The following ST8SIA1 variants were observed in gnomAD, a reference collection of about 807,000 sequenced individuals.
The protein encoded by ST8SIA1 is alpha-N-acetylneuraminide alpha-2,8-sialyltransferase.
In ST8SIA1, 16 loss-of-function variants were observed where a neutral mutation model predicts 35.9. That is an observed-to-expected ratio of 0.45 (90% confidence interval 0.30 to 0.68). The LOEUF is 0.68. ST8SIA1 is among the 30% of genes least tolerant of loss of function. The probability of loss-of-function intolerance (pLI) is 0.09; values close to 1 mark genes in which losing one functional copy is unlikely to be tolerated. For synonymous variants in ST8SIA1, 170 were observed against 169.6 expected (o/e 1.00, Z -0.02); for missense variants, 383 against 453.6 (o/e 0.84, Z 1.41).
intron 2 of ST8SIA1, among the ~76,000 whole-genome samples, chr12:22,284,197 G>A (rs1241435105): frequency 1.3e-5 from 2 of 152,074 alleles, no homozygotes; most frequent in Non-Finnish European, 2.9e-5. Flanking sequence ...GTAGGCAAAC[G>A]AATAACATTG....
intron 4 of ST8SIA1, among the ~76,000 whole-genome samples, chr12:22,217,369 T>TA (rs1222484945): frequency 2.0e-5 from 3 of 152,164 alleles, no homozygotes; most frequent in Non-Finnish European, 2.9e-5. Context: ...ACCATTTAAG[T>TA]AAAAAAATGG....
rs1440383709 is a variant in ST8SIA1 at position 22,201,457 on chromosome 12, G to A, written c.*95C>T. The A allele has an allele frequency of 9.5e-6, 14 of 1,476,396 alleles. No homozygotes were observed. Among genetic ancestry groups the A allele is most frequent in the African/African-American group, 2.8e-5 (2 of 70,766 alleles). 91.5% of individuals were successfully genotyped at this position (1,476,396 alleles called of 1,614,324 possible). On this transcript the variant is annotated 3_prime_UTR_variant, in exon 5 of 5. Coordinates refer to ENST00000396037, the MANE Select transcript of ST8SIA1 (RefSeq NM_003034.4). ...CTTTCCTGTTTTTCCAAGGGCCCAT[G>A]CAAACTCATGAAACAACTTGACCAT...
chr12:22,223,757 C>A lies in ST8SIA1; in HGVS notation c.585-21719G>T, dbSNP rs901035527. On this transcript the variant is annotated intron_variant, in intron 4 of 4. Transcript: ENST00000396037. The stretch of plus-strand genomic sequence containing the variant: ...TCAAGAATCTATTTCTTCACCCTCT[C>A]GACAGCTGTAAAATCCCTTTAAATA... The A allele has an allele frequency of 2.2e-5, 27 of 1,252,022 alleles. No individual in the cohort carries two copies. In the African/African-American group the frequency reaches 3.9e-4, roughly 18 times the overall value. 77.6% of individuals were successfully genotyped at this position (1,252,022 alleles called of 1,614,324 possible).
At chr12:22,211,085 A>G (rs1340488452) in intron 4 of ST8SIA1, among the ~76,000 whole-genome samples, 5 of 152,216 alleles carry the variant, frequency 3.3e-5, no homozygotes, top group Non-Finnish European at 7.3e-5. Flanking sequence ...TCTTTGCTCA[A>G]TTAAACTCTG....
At chr12:22,222,094 C>CA (rs201363254) in intron 4 of ST8SIA1, among the ~76,000 whole-genome samples, 127 of 150,716 alleles carry the variant, frequency 8.4e-4, no homozygotes, top group African/African-American at 2.9e-3. Context: ...GAATAAATTT[C>CA]AAAAAAAAAG....
chr12:22,244,603 C>T (rs774541945), intron 4 of ST8SIA1, among the ~76,000 whole-genome samples: 10 of 152,034 alleles, frequency 6.6e-5, no homozygotes, highest in East Asian at 1.9e-4. Flanking sequence ...ACTACAGCCA[C>T]GTGCCACCAT....
chr12:22,331,878 A>G (rs957078303), intron 1 of ST8SIA1, among the ~76,000 whole-genome samples: 1 of 152,206 alleles, frequency 6.6e-6, no homozygotes. Context: ...GTTGTAACAT[A>G]TACCAGAAAT....
At chr12:22,313,966 GT>G (rs57804728) in intron 1 of ST8SIA1, among the ~76,000 whole-genome samples, 9,327 of 152,232 alleles carry the variant, frequency 0.061, 476 homozygotes, top group East Asian at 0.24. Context: ...GTGTGTCTAT[GT>G]TTGGGTTTGT....
chr12:22,276,155 C>A (rs917679171), intron 2 of ST8SIA1, among the ~76,000 whole-genome samples: 1 of 152,230 alleles, frequency 6.6e-6, no homozygotes, highest in Non-Finnish European at 1.5e-5. Context: ...AAACATTACA[C>A]AACCCAGCAA....
chr12:22,255,471 G>A, intron 2 of ST8SIA1, 82 bp from the exon 3 acceptor site: 1 of 1,215,322 alleles, frequency 8.2e-7, no homozygotes, highest in Non-Finnish European at 1.2e-6. Flanking sequence ...CAGACCCTTT[G>A]GAGGAATTTG....
chr12:22,270,528 C>T (rs907759735), intron 2 of ST8SIA1, among the ~76,000 whole-genome samples: 1 of 152,068 alleles, frequency 6.6e-6, no homozygotes, highest in Non-Finnish European at 1.5e-5. Flanking sequence ...TAATTATTTC[C>T]AATTTAAAAT....
intron 4 of ST8SIA1, among the ~76,000 whole-genome samples, chr12:22,248,291 A>G (rs965502434): frequency 6.6e-6 from 1 of 150,562 alleles, no homozygotes; most frequent in Non-Finnish European, 1.5e-5. Flanking sequence ...ACCTAAAGCA[A>G]TGCTTGATTC....
At chr12:22,251,878 ATTACT>A (rs1865674457) in intron 3 of ST8SIA1, among the ~76,000 whole-genome samples, 1 of 152,156 alleles carries the variant, frequency 6.6e-6, no homozygotes, top group Non-Finnish European at 1.5e-5. Flanking sequence ...AAATCATGAA[ATTACT>A]TTAATTTTTT....
rs564400585 is a variant in ST8SIA1, at chr12:22,240,136, A to C, written c.584+8870T>G. On this transcript the variant is annotated intron_variant, in intron 4 of 4. Coordinates refer to ENST00000396037, the MANE Select transcript of ST8SIA1 (RefSeq NM_003034.4). Reference sequence around the variant, plus strand: ...TTGGATATCAGTCAGAATAGCTTCTACTAGATGCAGTTACATTATCTCATT... The same window carrying C: ...TTGGATATCAGTCAGAATAGCTTCTCCTAGATGCAGTTACATTATCTCATT... 2.0e-5 allele frequency among the ~76,000 whole-genome samples: 3 copies of C among 152,322 alleles called. No individual in the cohort carries two copies. The South Asian group carries it at 6.2e-4, about 32-fold the overall frequency.
At chr12:22,208,553 C>T (rs1325067970) in intron 4 of ST8SIA1, among the ~76,000 whole-genome samples, 1 of 152,002 alleles carries the variant, frequency 6.6e-6, no homozygotes, top group Admixed American at 6.6e-5. Flanking sequence ...AGATGCCTCC[C>T]CAGATAAATT....
intron 4 of ST8SIA1, among the ~76,000 whole-genome samples, chr12:22,227,472 G>T (rs1865372394): frequency 6.6e-6 from 1 of 152,028 alleles, no homozygotes; most frequent in South Asian, 2.1e-4. Flanking sequence ...TACTCGGGAG[G>T]CTGAGGCAGG....
intron 4 of ST8SIA1, among the ~76,000 whole-genome samples, chr12:22,219,039 T>C (rs1180358084): frequency 6.6e-6 from 1 of 152,132 alleles, no homozygotes; most frequent in Non-Finnish European, 1.5e-5. Context: ...GTATCATCTT[T>C]ATTTTATGAC....
chr12:22,217,279 C>G (rs1865244680), intron 4 of ST8SIA1, among the ~76,000 whole-genome samples: 1 of 151,994 alleles, frequency 6.6e-6, no homozygotes, highest in African/African-American at 2.4e-5. Context: ...AAATTAAGGC[C>G]ATACTAAACT....
chr12:22,261,959 T>C (rs776487007), intron 2 of ST8SIA1, among the ~76,000 whole-genome samples: 8 of 152,144 alleles, frequency 5.3e-5, no homozygotes, highest in Non-Finnish European at 1.2e-4. Context: ...ACACGCTAAA[T>C]AGAAAAACAG....
Sources: gnomAD v4.1 joint callset for allele counts (sites outside exome capture counted in the v4.1 genomes callset) on GRCh38, gnomAD v4.1.1 for gene constraint, MANE v1.5 for transcripts, NCBI Gene and HGNC (gene_info 2026-07-23, HGNC 2026-07-21) for gene names.